SAMSN1: variants seen among roughly 807,000 people sequenced by gnomAD.
SAMSN1 encodes the protein SAM domain, SH3 domain and nuclear localization signals 1.
SAMSN1 carries 31 observed loss-of-function variants against 42.0 expected under a neutral mutation model. That is an observed-to-expected ratio of 0.74 (90% confidence interval 0.55 to 1.00). The LOEUF (loss-of-function observed/expected upper bound fraction) is 1.00. Ranked by LOEUF, SAMSN1 falls within the 50% of genes least tolerant of loss-of-function variation. The pLI, the probability that SAMSN1 is intolerant of heterozygous loss-of-function variation, is 0.00. For synonymous variants in SAMSN1, 178 were observed against 151.9 expected (o/e 1.17, Z -1.26); for missense variants, 464 against 439.4 (o/e 1.06, Z -0.50).
At chr21:14,616,313 TA>T (rs149303813) in intron 2 of SAMSN1, among the ~76,000 whole-genome samples, 6,655 of 151,148 alleles carry the variant, frequency 0.044, 356 homozygotes, top group African/African-American at 0.12. Flanking sequence ...CTTGCCAGTT[TA>T]AAAAAAAACA....
chr21:14,512,597 A>C, intron 3 of SAMSN1, 24 bp from the exon 4 acceptor site: 1 of 1,611,992 alleles, frequency 6.2e-7, no homozygotes. Context: ...ATCAGAGGTT[A>C]GGTACAGAGA....
At chr21:14,644,404 TC>T (rs1004682464) in intron 1 of SAMSN1, among the ~76,000 whole-genome samples, 27 of 152,192 alleles carry the variant, frequency 1.8e-4, no homozygotes, top group African/African-American at 6.5e-4. Context: ...AGATGACATT[TC>T]TAGGCAACCT....
chr21:14,515,076 A>C (rs1004852558), intron 3 of SAMSN1, among the ~76,000 whole-genome samples: 18 of 152,188 alleles, frequency 1.2e-4, no homozygotes, highest in African/African-American at 1.9e-4. Flanking sequence ...TCAAAAAAAA[A>C]CAAGAAAAGT....
intron 2 of SAMSN1, among the ~76,000 whole-genome samples, chr21:14,579,559 C>G (rs9979373): frequency 1 from 151,938 of 151,938 alleles, 75,969 homozygotes; most frequent in Non-Finnish European, 1. Flanking sequence ...TGGTTTCTAA[C>G]CTCCATTTAT....
chr21:14,620,423 T>C (rs1280271795), intron 2 of SAMSN1, among the ~76,000 whole-genome samples: 1 of 152,188 alleles, frequency 6.6e-6, no homozygotes, highest in Non-Finnish European at 1.5e-5. Context: ...CTTCCCCTTC[T>C]GTCATGACTG....
chr21:14,570,361 C>T (rs1981261063), intron 2 of SAMSN1, among the ~76,000 whole-genome samples: 1 of 152,164 alleles, frequency 6.6e-6, no homozygotes. Context: ...GGCTCCAAGC[C>T]ACTCTTTGTA....
At chr21:14,488,852 C>G (rs1029985789) in intron 7 of SAMSN1, among the ~76,000 whole-genome samples, 1 of 152,190 alleles carries the variant, frequency 6.6e-6, no homozygotes, top group Non-Finnish European at 1.5e-5. Context: ...TCCTACCAGG[C>G]TTGCAATAAT....
chr21:14,591,532 T>G (rs1256486398), intron 7 of SAMSN1: 1 of 152,104 alleles, frequency 6.6e-6, no homozygotes. Flanking sequence ...GTATGGTCAA[T>G]AAATACATTC....
chr21:14,594,211 T>C (rs1982179704), intron 6 of SAMSN1: 1 of 589,688 alleles, frequency 1.7e-6, no homozygotes, highest in African/African-American at 1.9e-5. Context: ...ATTATCTTGT[T>C]ATCAAAGTAC....
chr21:14,545,874 T>A (rs184476085), intron 1 of SAMSN1, among the ~76,000 whole-genome samples: 2 of 152,312 alleles, frequency 1.3e-5, no homozygotes, highest in East Asian at 3.9e-4. Flanking sequence ...AATCTCATAG[T>A]CATTAAAAAC....
chr21:14,609,627 T>A, intron 4 of SAMSN1: 1 of 714,460 alleles, frequency 1.4e-6, no homozygotes, highest in East Asian at 2.7e-5. Flanking sequence ...CCAGTAAGTA[T>A]AAGACATTTG....
chr21:14,542,671 A>G (rs1980120059), intron 1 of SAMSN1, among the ~76,000 whole-genome samples: 1 of 152,206 alleles, frequency 6.6e-6, no homozygotes, highest in African/African-American at 2.4e-5. Context: ...GTGGTTGCTC[A>G]TGCCTGTAAT....
At chr21:14,621,777 T>C (rs1196424909) in intron 2 of SAMSN1, among the ~76,000 whole-genome samples, 2 of 152,190 alleles carry the variant, frequency 1.3e-5, no homozygotes, top group Non-Finnish European at 2.9e-5. Context: ...AAGAGAGTAG[T>C]GGTTCTCTCA....
At chr21:14,639,359 G>A (rs897926597) in intron 2 of SAMSN1, among the ~76,000 whole-genome samples, 2 of 152,126 alleles carry the variant, frequency 1.3e-5, no homozygotes, top group African/African-American at 4.8e-5. Context: ...TTCTTCCTGT[G>A]TCACTCCATG....
chr21:14,575,762 C>T (rs1384763155), intron 2 of SAMSN1, among the ~76,000 whole-genome samples: 1 of 152,164 alleles, frequency 6.6e-6, no homozygotes, highest in East Asian at 1.9e-4. Flanking sequence ...AGGAGCCTGA[C>T]ATCACTAAAG....
chr21:14,535,092 C>T (rs531158920), intron 1 of SAMSN1, among the ~76,000 whole-genome samples: 299 of 152,220 alleles, frequency 2.0e-3, no homozygotes, highest in Non-Finnish European at 3.2e-3. Flanking sequence ...GGAACACGGG[C>T]CTCACTCCAC....
At chr21:14,645,878 TGCATCA>T (rs1429503237) in intron 1 of SAMSN1, among the ~76,000 whole-genome samples, 1 of 152,178 alleles carries the variant, frequency 6.6e-6, no homozygotes, top group African/African-American at 2.4e-5. Context: ...CACTGAAGAA[TGCATCA>T]GAGTCCTTTA....
intron 3 of SAMSN1, among the ~76,000 whole-genome samples, chr21:14,614,873 T>C (rs17003785): frequency 0.012 from 1,758 of 152,070 alleles, 28 homozygotes; most frequent in African/African-American, 0.04. Context: ...TTTTAATTGC[T>C]TGAAATCTGA....
At chr21:14,529,966 C>T (rs9979080) in intron 1 of SAMSN1, among the ~76,000 whole-genome samples, 41,820 of 152,052 alleles carry the variant, frequency 0.28, 6,104 homozygotes, top group Middle Eastern at 0.38. Flanking sequence ...TTCACTTAAC[C>T]ATTTTCAAAA....
Sources: allele counts gnomAD v4.1 joint callset (sites outside exome capture counted in the v4.1 genomes callset), GRCh38; gene constraint gnomAD v4.1.1; transcripts MANE v1.5; gene names NCBI Gene and HGNC (gene_info 2026-07-23, HGNC 2026-07-21).